Variants in EDRF1 observed in about 807,000 individuals in gnomAD.
EDRF1 encodes erythroid differentiation regulatory factor 1.
A neutral mutation model predicts 148.7 loss-of-function variants in EDRF1; 69 were observed. The ratio of observed to expected loss-of-function variants is 0.46; its 90% CI spans 0.38 to 0.57. EDRF1 has a LOEUF of 0.57. Ranked by LOEUF, EDRF1 falls within the 20% of genes least tolerant of loss-of-function variation. The pLI, the probability that EDRF1 is intolerant of heterozygous loss-of-function variation, is 0.00. For synonymous variants in EDRF1, 515 were observed against 532.8 expected (o/e 0.97, Z 0.46); for missense variants, 1,118 against 1,478.7 (o/e 0.76, Z 4.00).
chr10:125,740,787 G>T, intron 16 of EDRF1, 136 bp downstream of exon 16: 3 of 1,140,620 alleles, frequency 2.6e-6, no homozygotes, highest in Non-Finnish European at 3.8e-6. Context: ...AATCCTGTGT[G>T]TGTTACCTTC....
intron 19 of EDRF1, chr10:125,746,819 G>C (rs1424033209): frequency 6.6e-6 from 1 of 152,204 alleles, no homozygotes; most frequent in Non-Finnish European, 1.5e-5. Context: ...TCAAACTCCT[G>C]GCCTCAAAAT....
chr10:125,733,036 G>C (rs1262434915), intron 9 of EDRF1, among the ~76,000 whole-genome samples: 1 of 152,196 alleles, frequency 6.6e-6, no homozygotes, highest in Non-Finnish European at 1.5e-5. Context: ...TTAAAATCTT[G>C]CTGGGTAAAG....
chr10:125,725,529 GT>G, intron 5 of EDRF1, 87 bp downstream of exon 5: 1 of 1,588,214 alleles, frequency 6.3e-7, no homozygotes, highest in Non-Finnish European at 8.6e-7. Flanking sequence ...TATAATTTAA[GT>G]TTTGCCCCTG....
chr10:125,749,116 G>T (rs1354643940), intron 21 of EDRF1: 1 of 411,534 alleles, frequency 2.4e-6, no homozygotes, highest in African/African-American at 2.0e-5. Context: ...CAGTAGTGGC[G>T]GGTGCCTGTA....
intron 6 of EDRF1, among the ~76,000 whole-genome samples, chr10:125,728,035 TA>T (rs983977703): frequency 3.2e-4 from 48 of 151,176 alleles, no homozygotes; most frequent in African/African-American, 1.1e-3. Flanking sequence ...CATCTCTATT[TA>T]AAAAAAGAAA....
intron 24 of EDRF1, among the ~76,000 whole-genome samples, chr10:125,754,187 G>C (rs1036686017): frequency 2.7e-5 from 4 of 149,152 alleles, no homozygotes; most frequent in Admixed American, 2.0e-4. Flanking sequence ...CTGCACTGCA[G>C]CCTAGGCAAC....
chr10:125,747,514 T>C, intron 19 of EDRF1, 22 bp from the exon 20 acceptor site: 1 of 1,613,992 alleles, frequency 6.2e-7, no homozygotes, highest in Non-Finnish European at 8.5e-7. Flanking sequence ...GTCAGAAATG[T>C]ACACTGTTTT....
Position 125,742,321 on chromosome 10 carries a change from G to A in EDRF1, c.2372-737G>A, listed in dbSNP as rs191967308. 2.5e-3 allele frequency: 3,169 copies of A among 1,272,532 alleles called. 5 individuals carry two copies. The highest frequency in any genetic ancestry group is 2.9e-3 in the Non-Finnish European group (2,867 of 978,788). The allele number at this position is 1,272,532 out of a possible 1,614,324, so 78.8% of individuals were successfully genotyped here. A position where few individuals can be genotyped will look rare whatever the true frequency, so the allele number is the denominator to read the frequency against. ...CCACGCTGCCATTAACACAGTGAATGAAGTAAAAGATGAGTCTTCTGAAGG... is the reference window on the plus strand; with the variant it reads ...CCACGCTGCCATTAACACAGTGAATAAAGTAAAAGATGAGTCTTCTGAAGG... On this transcript the variant is annotated intron_variant, in intron 17 of 24. Coordinates refer to ENST00000356792, the MANE Select transcript of EDRF1 (RefSeq NM_001202438.2).
chr10:125,734,243 A>G (rs1848623351), intron 12 of EDRF1, 60 bp downstream of exon 12: 2 of 1,283,864 alleles, frequency 1.6e-6, no homozygotes, highest in East Asian at 4.6e-5. Context: ...GGAGATTGTT[A>G]CCTAGACAGT....
At chr10:125,732,382 G>A (rs1215621820) in intron 9 of EDRF1, among the ~76,000 whole-genome samples, 3 of 152,144 alleles carry the variant, frequency 2.0e-5, no homozygotes, top group Non-Finnish European at 4.4e-5. Context: ...GACAGGGAAG[G>A]TAATATGTTT....
intron 13 of EDRF1, among the ~76,000 whole-genome samples, chr10:125,736,598 G>T (rs1848747797): frequency 6.6e-6 from 1 of 152,080 alleles, no homozygotes; most frequent in Admixed American, 6.6e-5. Context: ...ACTTTCAGAT[G>T]GAAACTCTAA....
intron 21 of EDRF1, 76 bp downstream of exon 21, chr10:125,748,088 G>T: frequency 6.5e-7 from 1 of 1,528,214 alleles, no homozygotes; most frequent in South Asian, 1.1e-5. Context: ...TTTTTAACAT[G>T]GTCATATATG....
At position 125,743,270 on chromosome 10, in the gene EDRF1, A is replaced by C. The variant is rs202217682; in HGVS notation, c.2584A>C (p.Arg862=). Residue 862 remains arginine (R), a synonymous_variant, in exon 18 of 25, where the codon AGA becomes CGA. Coordinates refer to ENST00000356792, the MANE Select transcript of EDRF1 (RefSeq NM_001202438.2). ...TCAGGCTGCTGCATTACAGAGTGAG[A>C]GACTAGGTGAGTATCTCTTTAGATT... is the stretch of plus-strand genomic sequence containing the variant. ...MNQAAALQSE[R]LVSKSVSAAE... The C allele has an allele frequency of 1.4e-5, 23 of 1,612,088 alleles. No individual in the cohort carries two copies. In the East Asian group the frequency reaches 4.9e-4, roughly 34 times the overall value.
At chr10:125,759,374 C>G (rs1332121108) in intron 24 of EDRF1, among the ~76,000 whole-genome samples, 1 of 152,220 alleles carries the variant, frequency 6.6e-6, no homozygotes, top group Non-Finnish European at 1.5e-5. Flanking sequence ...CCCCACCTCT[C>G]TCATGGATTT....
chr10:125,743,922 GGATGGTGTAAGTAAGATGT>G (rs1254598776), intron 18 of EDRF1, among the ~76,000 whole-genome samples: 1 of 152,130 alleles, frequency 6.6e-6, no homozygotes, highest in Non-Finnish European at 1.5e-5. Flanking sequence ...GTAAGATGTG[GGATGGTGTAAGTAAGATGT>G]GAGATGGTAA....
At chr10:125,736,846 C>G (rs1848761987) in intron 13 of EDRF1, among the ~76,000 whole-genome samples, 1 of 151,932 alleles carries the variant, frequency 6.6e-6, no homozygotes, top group African/African-American at 2.4e-5. Context: ...GTTGCCTCTT[C>G]AGGGAGATGT....
At chr10:125,729,309 A>G in intron 7 of EDRF1, 49 bp from the exon 8 acceptor site, 1 of 1,604,140 alleles carries the variant, frequency 6.2e-7, no homozygotes. Context: ...TCATGGGGGG[A>G]AATTACAGAT....
At chr10:125,759,807 T>G (rs1262656541) in intron 24 of EDRF1, among the ~76,000 whole-genome samples, 1 of 152,020 alleles carries the variant, frequency 6.6e-6, no homozygotes, top group Non-Finnish European at 1.5e-5. Flanking sequence ...GCCTCCCAGG[T>G]TCACGCCATT....
intron 12 of EDRF1, among the ~76,000 whole-genome samples, chr10:125,734,726 GA>G (rs1221094115): frequency 6.6e-6 from 1 of 152,092 alleles, no homozygotes; most frequent in Non-Finnish European, 1.5e-5. Context: ...AAGAGAAGGG[GA>G]AAAAGCATCT....
Sources: allele counts gnomAD v4.1 joint callset (sites outside exome capture counted in the v4.1 genomes callset), GRCh38; gene constraint gnomAD v4.1.1; transcripts MANE v1.5; gene names NCBI Gene and HGNC (gene_info 2026-07-23, HGNC 2026-07-21).